Variants in TMEM63A observed in about 807,000 individuals in gnomAD.
TMEM63A encodes the protein transmembrane protein 63A.
In TMEM63A, 76 loss-of-function variants were observed where a neutral mutation model predicts 100.6. That is an observed-to-expected ratio of 0.76 (90% CI 0.63 to 0.91). The LOEUF is 0.91. TMEM63A is among the 40% of genes least tolerant of loss of function. TMEM63A has a pLI of 0.00. For synonymous variants in TMEM63A, 401 were observed against 401.1 expected, an observed-to-expected ratio of 1.00 and a Z score of 0.00; for missense variants, 876 against 1,008.8, an observed-to-expected ratio of 0.87 and a Z score of 1.78.
intron 3 of TMEM63A, among the ~76,000 whole-genome samples, chr1:225,874,828 G>A (rs1207863733): frequency 6.6e-6 from 1 of 152,086 alleles, no homozygotes; most frequent in Non-Finnish European, 1.5e-5. Flanking sequence ...TTCCCCTCCC[G>A]GGTTCAAGCA....
rs1239731460 is a variant in TMEM63A at position 225,853,562 on chromosome 1, C to T, written c.1797+67G>A. 6 of 1,441,530 alleles carry T rather than the reference C, an allele frequency of 4.2e-6. No homozygotes were observed. The highest frequency in any genetic ancestry group is 5.5e-6 in the Non-Finnish European group (6 of 1,085,312). 89.3% of individuals were successfully genotyped at this position (1,441,530 alleles called of 1,614,324 possible). A position where few individuals can be genotyped will look rare whatever the true frequency, so the allele number is the denominator to read the frequency against. On this transcript the variant is annotated intron_variant, in intron 19 of 24. Transcript: ENST00000366835. This position sits in a 1 kb window ranked among gnomAD's most constrained non-coding sequence, Gnocchi z 4.0. ...AGTGGGGGTAGTGGGGGTGAGAGGC[C>T]CTCGGGTCAGTGAAGGGGGACATGG...
intron 22 of TMEM63A, 32 bp downstream of exon 22, chr1:225,848,865 C>A: frequency 6.6e-7 from 1 of 1,523,480 alleles, no homozygotes; most frequent in Non-Finnish European, 8.9e-7. Flanking sequence ...CCTCCCAGGG[C>A]TTGACCGGGC....
At chr1:225,857,085 C>A in intron 15 of TMEM63A, 68 bp from the exon 16 acceptor site, 1 of 1,343,012 alleles carries the variant, frequency 7.4e-7, no homozygotes, top group Non-Finnish European at 9.9e-7. Context: ...AGGCCATGAC[C>A]TATTGGTATG....
rs747714894 is a variant in TMEM63A, at chr1:225,848,998, CG to C, written c.2085del (p.Ala696ProfsTer31). 1 of 1,313,790 alleles carries C rather than the reference CG, an allele frequency of 7.6e-7. No homozygotes were observed. Among genetic ancestry groups the C allele is most frequent in the Non-Finnish European group, 1.0e-6 (1 of 991,832 alleles). The allele number at this position is 1,313,790 out of a possible 1,614,324, so 81.4% of individuals were successfully genotyped here. Reference sequence around the variant, plus strand: ...AGCACCAGGAAGGTGAACAGAGTGGCGGGGGCCTTCATACCTGGTGATAGAG... The same window carrying C: ...AGCACCAGGAAGGTGAACAGAGTGGCGGGGCCTTCATACCTGGTGATAGAG... ...FSFLRLGMKA[P>X]ATLFTFLVLL... On this transcript the variant is annotated frameshift_variant, in exon 22 of 25. Transcript: ENST00000366835. LOFTEE classifies it high-confidence loss of function.
At chr1:225,859,481 T>A in intron 14 of TMEM63A, 132 bp from the exon 15 acceptor site, 1 of 1,089,734 alleles carries the variant, frequency 9.2e-7, no homozygotes, top group Non-Finnish European at 1.3e-6. Context: ...GACCTTCAAC[T>A]ACAGAAAGAC....
At chr1:225,845,278 G>T (rs45550332), downstream of TMEM63A, 6 of 1,613,426 alleles carry the variant, frequency 3.7e-6, no homozygotes, top group South Asian at 2.2e-5. Flanking sequence ...GCCACTTTGC[G>T]GCCTTTGAGG....
chr1:225,853,927 A>G lies in TMEM63A; in HGVS notation c.1635-136T>C. The G allele has an allele frequency of 1.2e-6, 1 of 863,684 alleles. No individual in the cohort carries two copies. Among genetic ancestry groups the G allele is most frequent in the Non-Finnish European group, 1.7e-6 (1 of 588,838 alleles). The allele number at this position is 863,684 out of a possible 1,614,324, so 53.5% of individuals were successfully genotyped here. A position where few individuals can be genotyped will look rare whatever the true frequency, so the allele number is the denominator to read the frequency against. ...CCGTTCATTCAGCACATATTTGGGA[A>G]ACACATCTGTGTGCCAAGCACCTTT... On this transcript the variant is annotated intron_variant, in intron 18 of 24. Coordinates refer to ENST00000366835, the MANE Select transcript of TMEM63A (RefSeq NM_014698.3). This position sits in a 1 kb window ranked among gnomAD's most constrained non-coding sequence, Gnocchi z 4.0.
At chr1:225,841,599 G>GT (rs1444283866), downstream of TMEM63A, among the ~76,000 whole-genome samples, 1 of 115,438 alleles carries the variant, frequency 8.7e-6, no homozygotes, top group African/African-American at 3.4e-5. Context: ...CACTGTCCCA[G>GT]CCTTTTTTTT....
chr1:225,866,998 C>T, intron 8 of TMEM63A, 114 bp downstream of exon 8: 2 of 1,041,372 alleles, frequency 1.9e-6, no homozygotes, highest in Non-Finnish European at 3.0e-6. Context: ...CTGCAAGGGG[C>T]CTTCAGATAC....
intron 20 of TMEM63A, among the ~76,000 whole-genome samples, chr1:225,852,370 C>T (rs1041188537): frequency 6.6e-6 from 1 of 152,174 alleles, no homozygotes; most frequent in Admixed American, 6.5e-5. Context: ...CCTGTAATCC[C>T]AGCTACTCAG....
chr1:225,870,331 G>A lies in TMEM63A; in HGVS notation c.371+745C>T, dbSNP rs539836604. 1.1e-4 allele frequency among the ~76,000 whole-genome samples: 16 copies of A among 144,592 alleles called. No individual in the cohort carries two copies. In the South Asian group the frequency reaches 2.5e-3, roughly 23 times the overall value. The allele number at this position is 144,592 out of a possible 152,430, so 94.9% of individuals were successfully genotyped here. ...CGTGCCATTGCACTCCAGCCTGGGC[G>A]ACAAGAGCGAAACTCGGTCTGAAAA... On this transcript the variant is annotated intron_variant, in intron 6 of 24. Transcript: ENST00000366835.
intron 18 of TMEM63A, among the ~76,000 whole-genome samples, chr1:225,854,107 G>C (rs1374584827): frequency 6.6e-6 from 1 of 150,940 alleles, no homozygotes; most frequent in Non-Finnish European, 1.5e-5. Flanking sequence ...ATGTCATACA[G>C]GGGTTGGAGG....
chr1:225,862,449 C>T lies in TMEM63A; in HGVS notation c.951+6G>A. 6.2e-7 allele frequency: 1 copy of T among 1,614,080 alleles called. No homozygotes were observed. The highest frequency in any genetic ancestry group is 1.7e-4 in the Middle Eastern group (1 of 6,060). On this transcript the variant is annotated splice_donor_region_variant and intron_variant, in intron 12 of 24. Coordinates refer to ENST00000366835, the MANE Select transcript of TMEM63A (RefSeq NM_014698.3). The surrounding 1 kb of genome is among the most constrained non-coding windows in gnomAD (Gnocchi z 5.1). ...TCTGCTCCCAGCCGGGGGGTGGGAC[C>T]CTTACCCACTCACAGCCCAGCACTT...
intron 14 of TMEM63A, chr1:225,860,055 G>A (rs1286351088): frequency 6.5e-6 from 1 of 153,236 alleles, no homozygotes; most frequent in Non-Finnish European, 1.5e-5. Context: ...GGACAAAGGA[G>A]TGAAGGCATA....
rs908509089 is a variant in TMEM63A at position 225,862,145 on chromosome 1, G to A, written c.1085+73C>T. On this transcript the variant is annotated intron_variant, in intron 13 of 24. Transcript: ENST00000366835. This position sits in a 1 kb window ranked among gnomAD's most constrained non-coding sequence, Gnocchi z 5.1. Reference sequence around the variant, plus strand: ...TGGGTCAGCAGTACCATCTCCACTCGAGAGGGACAGTGAGTTATCTGGAGG... The same window carrying A: ...TGGGTCAGCAGTACCATCTCCACTCAAGAGGGACAGTGAGTTATCTGGAGG... 2.7e-5 allele frequency: 43 copies of A among 1,587,554 alleles called. No individual in the cohort carries two copies. The African/African-American group carries it at 3.2e-4, about 12-fold the overall frequency.
intron 4 of TMEM63A, among the ~76,000 whole-genome samples, chr1:225,872,914 G>A (rs1466112033): frequency 2.0e-5 from 3 of 151,964 alleles, no homozygotes; most frequent in African/African-American, 7.2e-5. Flanking sequence ...GGCTGGTCTT[G>A]AACTCCTGAC....
At position 225,852,695 on chromosome 1, in the gene TMEM63A, G is replaced by A; in HGVS notation, c.1872C>T (p.Tyr624=). 1.2e-6 allele frequency: 2 copies of A among 1,613,520 alleles called. No individual in the cohort carries two copies. The highest frequency in any genetic ancestry group is 1.7e-6 in the Non-Finnish European group (2 of 1,180,016). The change falls in exon 20 of 25, where the codon TAC becomes TAT. Residue 624 remains tyrosine (Y), a synonymous_variant. Coordinates refer to ENST00000366835, the MANE Select transcript of TMEM63A (RefSeq NM_014698.3). ...MLCVFTVIVA[Y]SITCPIIAPF... ...GCGCGATGATGGGACAAGTGATGCT[G>A]TAGGCCACGATGACAGTGAAGACAC...
intron 6 of TMEM63A, among the ~76,000 whole-genome samples, chr1:225,870,176 C>A (rs893222217): frequency 6.6e-6 from 1 of 151,740 alleles, no homozygotes; most frequent in African/African-American, 2.4e-5. Context: ...ATGGAGAAAC[C>A]CTGTCTCTAC....
intron 15 of TMEM63A, among the ~76,000 whole-genome samples, chr1:225,858,615 G>A (rs924238092): frequency 7.9e-5 from 12 of 152,090 alleles, no homozygotes; most frequent in Non-Finnish European, 1.3e-4. Flanking sequence ...GTGAGCTACC[G>A]TGCCCGGCCC....
Sources: gnomAD v4.1 joint callset for allele counts (sites outside exome capture counted in the v4.1 genomes callset) on GRCh38, gnomAD v4.1.1 for gene constraint, Gnocchi (gnomAD v3.1) non-coding constraint, MANE v1.5 for transcripts, NCBI Gene and HGNC (gene_info 2026-07-23, HGNC 2026-07-21) for gene names.